The following ABHD17B variants were observed in gnomAD, a reference collection of about 807,000 sequenced individuals.
ABHD17B encodes alpha/beta hydrolase domain-containing protein 17B.
In ABHD17B, 9 loss-of-function variants were observed where a neutral mutation model predicts 26.2. The ratio of observed to expected loss-of-function variants is 0.34; its 90% CI spans 0.21 to 0.60. The LOEUF is 0.60. Among genes scored for constraint, ABHD17B ranks in the 20% least tolerant of loss-of-function variants. The probability of loss-of-function intolerance (pLI) is 0.80; values close to 1 mark genes in which losing one functional copy is unlikely to be tolerated. For missense variants in ABHD17B, 224 were observed against 352.1 expected (o/e 0.64, Z 2.91); for synonymous variants, 127 against 122.3 (o/e 1.04, Z -0.25).
chr9:71,910,695 G>C lies in ABHD17B; in HGVS notation c.-65C>G, dbSNP rs1213955168. 1 of 152,220 alleles carries C rather than the reference G, an allele frequency of 6.6e-6. No individual in the cohort carries two copies. Among genetic ancestry groups the C allele is most frequent in the Non-Finnish European group, 1.5e-5 (1 of 68,098 alleles). The allele number at this position is 152,220 out of a possible 1,614,324, so 9.4% of individuals were successfully genotyped here. On this transcript the variant is annotated 5_prime_UTR_variant, in exon 1 of 4. Transcript: ENST00000333421. ...AAGGGGTCGAGAGAGAACCGCAGCC[G>C]ACGCGCTGTCCTCCACAAGGCGAGA...
At chr9:71,890,520 A>G (rs1826751279) in intron 1 of ABHD17B, among the ~76,000 whole-genome samples, 1 of 152,186 alleles carries the variant, frequency 6.6e-6, no homozygotes, top group East Asian at 1.9e-4. Flanking sequence ...ATCATTTGCA[A>G]TTTATTAAGT....
chr9:71,878,875 G>C (rs1322335607), intron 1 of ABHD17B, among the ~76,000 whole-genome samples: 2 of 152,166 alleles, frequency 1.3e-5, no homozygotes. Flanking sequence ...CCAAGGGAAG[G>C]CCAGGCACAG....
intron 1 of ABHD17B, 147 bp from the exon 2 acceptor site, chr9:71,875,230 C>CTTTT: frequency 3.5e-5 from 17 of 480,144 alleles, no homozygotes; most frequent in South Asian, 5.3e-5. Context: ...TTTTTGGCTT[C>CTTTT]TTTTTTTTTT....
At chr9:71,864,131 G>A (rs1026863090), downstream of ABHD17B, among the ~76,000 whole-genome samples, 2 of 142,822 alleles carry the variant, frequency 1.4e-5, no homozygotes, top group African/African-American at 5.2e-5. Context: ...TGGCCTATTT[G>A]TTTCTAGGAT....
At chr9:71,901,413 A>G (rs1049379400) in intron 1 of ABHD17B, among the ~76,000 whole-genome samples, 6 of 152,308 alleles carry the variant, frequency 3.9e-5, no homozygotes, top group African/African-American at 1.4e-4. Context: ...CAATTTATAC[A>G]GGATCACTTT....
In ABHD17B at chr9:71,866,706, A is replaced by G. The variant is rs1471835435; in HGVS notation, c.*81T>C. On this transcript the variant is annotated 3_prime_UTR_variant, in exon 4 of 4. Transcript: ENST00000333421. ...AGGCAACTGACATGATTTGCAAACA[A>G]AACCTTCAGGTTTTATGTTATTTAC... 3.9e-6 allele frequency: 6 copies of G among 1,548,384 alleles called. No individual in the cohort carries two copies. The highest frequency in any genetic ancestry group is 5.2e-6 in the Non-Finnish European group (6 of 1,147,934).
chr9:71,865,542 A>C lies in ABHD17B; in HGVS notation c.*1245T>G. Reference sequence around the variant, plus strand: ...TGAATCCATGAAATTCTCAGATAGTAATCCAAAACAATAGGTCCTATTTTT... The same window carrying C: ...TGAATCCATGAAATTCTCAGATAGTCATCCAAAACAATAGGTCCTATTTTT... On this transcript the variant is annotated 3_prime_UTR_variant, in exon 4 of 4. Coordinates refer to ENST00000333421, the MANE Select transcript of ABHD17B (RefSeq NM_001025780.3). The C allele has an allele frequency of 1.0e-6, 1 of 985,304 alleles. No homozygotes were observed. The highest frequency in any genetic ancestry group is 1.2e-6 in the Non-Finnish European group (1 of 829,864). The allele number at this position is 985,304 out of a possible 1,614,324, so 61.0% of individuals were successfully genotyped here. A position where few individuals can be genotyped will look rare whatever the true frequency, so the allele number is the denominator to read the frequency against.
chr9:71,875,166 A>G, intron 1 of ABHD17B, 83 bp from the exon 2 acceptor site: 1 of 1,054,110 alleles, frequency 9.5e-7, no homozygotes, highest in Non-Finnish European at 1.4e-6. Flanking sequence ...AGACATGGGT[A>G]AATTTTATTG....
chr9:71,878,027 T>C (rs1051456913), intron 1 of ABHD17B, among the ~76,000 whole-genome samples: 14 of 152,128 alleles, frequency 9.2e-5, no homozygotes, highest in Non-Finnish European at 1.8e-4. Context: ...CAAAAGTTAA[T>C]TGAATACTTT....
In ABHD17B at chr9:71,894,660, ACTT is replaced by A. The variant is rs142098825; in HGVS notation, c.-4+15971_-4+15973del. 9.7e-3 allele frequency among the ~76,000 whole-genome samples: 1,481 copies of A among 152,304 alleles called. 27 individuals carry two copies. Among genetic ancestry groups the A allele is most frequent in the African/African-American group, 0.033 (1,385 of 41,566 alleles). ...AAAGTCTTATTTCAAAAGGAACTAG[ACTT>A]CTTGGGCTTAAAAATGTTCATTTTA... On this transcript the variant is annotated intron_variant, in intron 1 of 3. Coordinates refer to ENST00000333421, the MANE Select transcript of ABHD17B (RefSeq NM_001025780.3).
chr9:71,906,427 T>C (rs1827286177), intron 1 of ABHD17B, among the ~76,000 whole-genome samples: 2 of 152,240 alleles, frequency 1.3e-5, no homozygotes, highest in Non-Finnish European at 2.9e-5. Context: ...ACACCATCCA[T>C]TGGTACAAAG....
At chr9:71,888,291 G>A (rs111608154) in intron 1 of ABHD17B, among the ~76,000 whole-genome samples, 5 of 152,194 alleles carry the variant, frequency 3.3e-5, no homozygotes, top group African/African-American at 4.8e-5. Flanking sequence ...GTTGCTGAGC[G>A]TAAGCTAGAC....
intron 3 of ABHD17B, among the ~76,000 whole-genome samples, chr9:71,868,081 T>C (rs888536822): frequency 1.3e-5 from 2 of 148,406 alleles, no homozygotes; most frequent in Non-Finnish European, 3.0e-5. Context: ...TAGCCAGGCA[T>C]GATGGCGCAT....
At chr9:71,898,469 T>TA (rs1302487869) in intron 1 of ABHD17B, among the ~76,000 whole-genome samples, 5,810 of 104,958 alleles carry the variant, frequency 0.055, 133 homozygotes, top group East Asian at 0.13. Context: ...CCATCTCTAC[T>TA]AAAAAAAAAA....
chr9:71,910,671 A>C lies in ABHD17B; in HGVS notation c.-41T>G, dbSNP rs1421036131. ...GGCCCGGGCCGAAGCGCCGGGCAGA[A>C]GGGGTCGAGAGAGAACCGCAGCCGA... On this transcript the variant is annotated 5_prime_UTR_variant, in exon 1 of 4. Coordinates refer to ENST00000333421, the MANE Select transcript of ABHD17B (RefSeq NM_001025780.3). 6.6e-6 allele frequency: 1 copy of C among 152,122 alleles called. No individual in the cohort carries two copies. Among genetic ancestry groups the C allele is most frequent in the Non-Finnish European group, 1.5e-5 (1 of 68,034 alleles). The allele number at this position is 152,122 out of a possible 1,614,324, so 9.4% of individuals were successfully genotyped here.
chr9:71,898,613 T>C (rs1267369349), intron 1 of ABHD17B, among the ~76,000 whole-genome samples: 1 of 152,140 alleles, frequency 6.6e-6, no homozygotes, highest in Non-Finnish European at 1.5e-5. Flanking sequence ...CACTCCAGCC[T>C]GGGCAACAAA....
chr9:71,888,500 C>G (rs1157752149), intron 1 of ABHD17B, among the ~76,000 whole-genome samples: 1 of 152,118 alleles, frequency 6.6e-6, no homozygotes, highest in Non-Finnish European at 1.5e-5. Context: ...AGGTGAGTAC[C>G]TACTCAGTAT....
chr9:71,900,763 T>C (rs965496896), intron 1 of ABHD17B, among the ~76,000 whole-genome samples: 2 of 151,588 alleles, frequency 1.3e-5, no homozygotes, highest in Non-Finnish European at 2.9e-5. Context: ...CCCCCCCTCA[T>C]CACTATAGTT....
At chr9:71,907,005 T>C (rs1827305098) in intron 1 of ABHD17B, among the ~76,000 whole-genome samples, 1 of 152,212 alleles carries the variant, frequency 6.6e-6, no homozygotes, top group Non-Finnish European at 1.5e-5. Context: ...TTTCTTATTT[T>C]ATTAAGGCCA....
Sources: allele counts gnomAD v4.1 joint callset (sites outside exome capture counted in the v4.1 genomes callset), GRCh38; gene constraint gnomAD v4.1.1; transcripts MANE v1.5; gene names NCBI Gene and HGNC (gene_info 2026-07-23, HGNC 2026-07-21).